Variants in FGF12 observed in about 807,000 individuals in gnomAD.
The protein encoded by FGF12 is fibroblast growth factor 12B.
A neutral mutation model predicts 23.6 loss-of-function variants in FGF12; 14 were observed. The observed-to-expected ratio is 0.59, with a 90% confidence interval of 0.39 to 0.93. The LOEUF is 0.93. FGF12 is among the 40% of genes least tolerant of loss of function. The probability of loss-of-function intolerance (pLI) is 0.00; values close to 1 mark genes in which losing one functional copy is unlikely to be tolerated. For synonymous variants in FGF12, 62 were observed against 77.3 expected (o/e 0.80, Z 1.04); for missense variants, 175 against 217.8 (o/e 0.80, Z 1.24).
chr3:192,347,235 C>G (rs1414025797), intron 3 of FGF12, among the ~76,000 whole-genome samples: 2 of 152,178 alleles, frequency 1.3e-5, no homozygotes, highest in Non-Finnish European at 2.9e-5. Flanking sequence ...GATACTGATT[C>G]TTCCCAAATC....
At chr3:192,316,753 C>T (rs1716246815) in intron 4 of FGF12, among the ~76,000 whole-genome samples, 1 of 152,182 alleles carries the variant, frequency 6.6e-6, no homozygotes, top group Non-Finnish European at 1.5e-5. Context: ...CCTAGTGAGA[C>T]ACCAGCCCAG....
chr3:192,500,416 G>T (rs1336114423), intron 2 of FGF12, among the ~76,000 whole-genome samples: 2 of 151,654 alleles, frequency 1.3e-5, no homozygotes, highest in Non-Finnish European at 2.9e-5. Flanking sequence ...CTGTGGTATT[G>T]CTGATATAAT....
At chr3:192,627,123 G>T (rs995352958) in intron 2 of FGF12, among the ~76,000 whole-genome samples, 1 of 152,030 alleles carries the variant, frequency 6.6e-6, no homozygotes, top group Non-Finnish European at 1.5e-5. Context: ...GTATTCCTTT[G>T]CACAGATAAC....
chr3:192,563,083 T>C (rs1293858972), intron 2 of FGF12, among the ~76,000 whole-genome samples: 1 of 152,216 alleles, frequency 6.6e-6, no homozygotes, highest in Non-Finnish European at 1.5e-5. Flanking sequence ...GGCTTTTATA[T>C]GCCATGAAAG....
chr3:192,680,873 T>C lies in FGF12; in HGVS notation c.13+46308A>G, dbSNP rs551707989. On this transcript the variant is annotated intron_variant, in intron 2 of 5. Transcript: ENST00000445105. The stretch of plus-strand genomic sequence containing the variant: ...TAATAAACAAAAGTGTCCCTACCTA[T>C]AAAGCCCAGGCTCATGAGCTTCCAG... Among the ~76,000 whole-genome samples the C allele has an allele frequency of 5.3e-5, 8 of 152,240 alleles. No individual in the cohort carries two copies. The South Asian group carries it at 1.0e-3, about 20-fold the overall frequency.
chr3:192,298,497 T>C (rs537437959), intron 4 of FGF12, among the ~76,000 whole-genome samples: 27 of 152,298 alleles, frequency 1.8e-4, no homozygotes, highest in South Asian at 6.2e-4. Context: ...ATGCCTGTAA[T>C]ATCCCAGCAT....
At chr3:192,667,814 A>G (rs1299234033) in intron 2 of FGF12, among the ~76,000 whole-genome samples, 1 of 152,010 alleles carries the variant, frequency 6.6e-6, no homozygotes, top group East Asian at 1.9e-4. Flanking sequence ...TGAGATATTG[A>G]CACATTTTGA....
At chr3:192,279,112 T>C (rs1713981035) in intron 4 of FGF12, among the ~76,000 whole-genome samples, 1 of 151,842 alleles carries the variant, frequency 6.6e-6, no homozygotes, top group Admixed American at 6.6e-5. Flanking sequence ...AAATGATGAG[T>C]TTCATCCATG....
intron 4 of FGF12, among the ~76,000 whole-genome samples, chr3:192,322,603 A>G (rs1716608534): frequency 6.6e-6 from 1 of 152,106 alleles, no homozygotes; most frequent in South Asian, 2.1e-4. Context: ...ATTATACTGT[A>G]GAGATATAGT....
At chr3:192,641,454 G>A (rs2108664958) in intron 2 of FGF12, among the ~76,000 whole-genome samples, 1 of 145,340 alleles carries the variant, frequency 6.9e-6, no homozygotes, top group Admixed American at 7.1e-5. Context: ...GCACAGGCTG[G>A]AGTGCAATGG....
At chr3:192,417,921 T>C (rs1286180417) in intron 2 of FGF12, among the ~76,000 whole-genome samples, 1 of 152,066 alleles carries the variant, frequency 6.6e-6, no homozygotes, top group Non-Finnish European at 1.5e-5. Flanking sequence ...ATGTGCCTTG[T>C]TCTTTTGTGC....
intron 3 of FGF12, among the ~76,000 whole-genome samples, chr3:192,353,366 C>CTTTT (rs34992097): frequency 1.6e-4 from 16 of 98,406 alleles, no homozygotes; most frequent in East Asian, 6.5e-4. Context: ...GAGCAGAAGT[C>CTTTT]TTTTTTTTTT....
intron 4 of FGF12, among the ~76,000 whole-genome samples, chr3:192,294,022 G>T (rs1216175125): frequency 6.6e-6 from 1 of 152,120 alleles, no homozygotes; most frequent in African/African-American, 2.4e-5. Context: ...TCATGGGGGT[G>T]GTTTCCCCCA....
intron 2 of FGF12, among the ~76,000 whole-genome samples, chr3:192,558,988 T>A (rs558911772): frequency 6.6e-6 from 1 of 152,048 alleles, no homozygotes; most frequent in South Asian, 2.1e-4. Context: ...GATCTGAAAC[T>A]ATAGAACTCT....
At chr3:192,584,547 C>T (rs927705513) in intron 2 of FGF12, among the ~76,000 whole-genome samples, 9 of 152,092 alleles carry the variant, frequency 5.9e-5, no homozygotes, top group South Asian at 2.1e-4. Flanking sequence ...TACTTTCAGA[C>T]GATTTCACAT....
At chr3:192,551,572 A>G (rs572401887) in intron 2 of FGF12, among the ~76,000 whole-genome samples, 1 of 152,354 alleles carries the variant, frequency 6.6e-6, no homozygotes, top group East Asian at 1.9e-4. Context: ...CTGAGCAACA[A>G]AAGCATTCGG....
At chr3:192,539,672 T>C (rs1475537290) in intron 2 of FGF12, among the ~76,000 whole-genome samples, 1 of 152,152 alleles carries the variant, frequency 6.6e-6, no homozygotes, top group Non-Finnish European at 1.5e-5. Context: ...ATATGATAAG[T>C]TTGGAAGTAT....
At chr3:192,335,526 A>G in intron 3 of FGF12, 62 bp from the exon 4 acceptor site, 2 of 1,003,896 alleles carry the variant, frequency 2.0e-6, no homozygotes, top group Admixed American at 3.7e-5. Flanking sequence ...AATCCTTCTT[A>G]TAATCATTCT....
intron 2 of FGF12, among the ~76,000 whole-genome samples, chr3:192,607,970 C>A (rs1394044029): frequency 6.6e-6 from 1 of 152,036 alleles, no homozygotes; most frequent in African/African-American, 2.4e-5. Context: ...CATGTCCTTG[C>A]CATTATTGTG....
Sources: allele counts gnomAD v4.1 joint callset (sites outside exome capture counted in the v4.1 genomes callset), GRCh38; gene constraint gnomAD v4.1.1; transcripts MANE v1.5; gene names NCBI Gene and HGNC (gene_info 2026-07-23, HGNC 2026-07-21).